The following ORC5 variants were observed in gnomAD, a reference collection of about 807,000 sequenced individuals.
ORC5 encodes protein phosphatase 1, regulatory subunit 117.
ORC5 carries 39 observed loss-of-function variants against 58.8 expected under a neutral mutation model. That is an observed-to-expected ratio of 0.66 (90% CI 0.51 to 0.87). The LOEUF (loss-of-function observed/expected upper bound fraction) is 0.87. Ranked by LOEUF, ORC5 falls within the 40% of genes least tolerant of loss-of-function variation. ORC5 has a pLI of 0.00. For missense variants in ORC5, 493 were observed against 506.3 expected (o/e 0.97, Z 0.25); for synonymous variants, 218 against 177.6 (o/e 1.23, Z -1.81).
At chr7:104,207,201 A>C (rs1385199883) in intron 1 of ORC5, among the ~76,000 whole-genome samples, 1 of 151,306 alleles carries the variant, frequency 6.6e-6, no homozygotes, top group African/African-American at 2.4e-5. Flanking sequence ...AAATAGGTTA[A>C]ATTTTGAATT....
At chr7:104,172,387 C>T (rs769084662) in intron 8 of ORC5, among the ~76,000 whole-genome samples, 4 of 152,200 alleles carry the variant, frequency 2.6e-5, no homozygotes, top group African/African-American at 7.2e-5. Flanking sequence ...ATTTTTGTTA[C>T]TGAAAAAGGA....
chr7:104,136,982 C>G lies in ORC5; in HGVS notation c.1150-89G>C. On this transcript the variant is annotated intron_variant, in intron 12 of 13. Transcript: ENST00000297431. This position sits in a 1 kb window ranked among gnomAD's most constrained non-coding sequence, Gnocchi z 4.2. Reference sequence around the variant, plus strand: ...AACATCTTATAGTCTGATAAAGATACATAACTGAATCACAAAAAACGTCTG... The same window carrying G: ...AACATCTTATAGTCTGATAAAGATAGATAACTGAATCACAAAAAACGTCTG... 3 of 855,362 alleles carry G rather than the reference C, an allele frequency of 3.5e-6. No homozygotes were observed. The highest frequency in any genetic ancestry group is 1.9e-6 in the Non-Finnish European group (1 of 534,682). The allele number at this position is 855,362 out of a possible 1,614,324, so 53.0% of individuals were successfully genotyped here. A position where few individuals can be genotyped will look rare whatever the true frequency, so the allele number is the denominator to read the frequency against.
chr7:104,153,274 T>C (rs1044453532), intron 12 of ORC5, among the ~76,000 whole-genome samples: 4 of 152,174 alleles, frequency 2.6e-5, no homozygotes, highest in African/African-American at 7.2e-5. Flanking sequence ...AGTGGTCTGA[T>C]GGCAGAACAG....
At chr7:104,159,519 CCA>C (rs1491190602) in intron 12 of ORC5, among the ~76,000 whole-genome samples, 6 of 133,116 alleles carry the variant, frequency 4.5e-5, no homozygotes, top group Admixed American at 1.4e-4. Flanking sequence ...GTAGAGAAAG[CCA>C]AAAAAAAAAA....
intron 12 of ORC5, among the ~76,000 whole-genome samples, chr7:104,140,718 C>G (rs1798658511): frequency 6.6e-6 from 1 of 152,152 alleles, no homozygotes; most frequent in South Asian, 2.1e-4. Flanking sequence ...AAGAATGTCT[C>G]CAGCTGATGA....
intron 8 of ORC5, among the ~76,000 whole-genome samples, chr7:104,174,747 C>T (rs918959515): frequency 2.6e-5 from 4 of 152,160 alleles, no homozygotes; most frequent in African/African-American, 9.7e-5. Flanking sequence ...TAAGCTCAGG[C>T]ATGTGCAGTA....
chr7:104,170,800 TC>T (rs1199029494), intron 8 of ORC5, among the ~76,000 whole-genome samples: 1 of 152,206 alleles, frequency 6.6e-6, no homozygotes, highest in Admixed American at 6.5e-5. Flanking sequence ...TAATTTTAGA[TC>T]TTAACTCCAA....
At chr7:104,164,060 T>C (rs931400813) in intron 11 of ORC5, among the ~76,000 whole-genome samples, 9 of 152,238 alleles carry the variant, frequency 5.9e-5, no homozygotes, top group African/African-American at 2.2e-4. Flanking sequence ...CCTTATTGTA[T>C]CATTTATCCA....
Position 104,126,909 on chromosome 7 carries a change from GATA to G in ORC5, c.1263-19_1263-17del, listed in dbSNP as rs775716038. ...GTTCACCGTCCTAAAAACAAAAACA[GATA>G]ATATGTTAGCATTCTCACCCCTAGA... On this transcript the variant is annotated splice_polypyrimidine_tract_variant and intron_variant, in intron 13 of 13. Coordinates refer to ENST00000297431, the MANE Select transcript of ORC5 (RefSeq NM_002553.4). 1.2e-5 allele frequency: 19 copies of G among 1,574,398 alleles called. No homozygotes were observed. Among genetic ancestry groups the G allele is most frequent in the Admixed American group, 3.4e-5 (2 of 59,314 alleles).
chr7:104,132,952 T>C lies in ORC5; in HGVS notation c.1262+3829A>G, dbSNP rs527380111. Among the ~76,000 whole-genome samples the C allele has an allele frequency of 5.3e-5, 8 of 152,034 alleles. No individual in the cohort carries two copies. In the South Asian group the frequency reaches 1.7e-3, roughly 32 times the overall value. ...TAGCTAGGTGAAGGAGAAAAGAAGC[T>C]GGAAAATGCTGTATATACAAGCATG... On this transcript the variant is annotated intron_variant, in intron 13 of 13. Transcript: ENST00000297431.
intron 12 of ORC5, among the ~76,000 whole-genome samples, chr7:104,147,348 C>T (rs1259624483): frequency 6.6e-6 from 1 of 152,250 alleles, no homozygotes; most frequent in East Asian, 1.9e-4. Context: ...AAAAGTATTG[C>T]TATATAAATC....
chr7:104,200,954 G>C lies in ORC5; in HGVS notation c.170C>G (p.Pro57Arg), dbSNP rs774854490. The C allele has an allele frequency of 2.5e-5, 41 of 1,611,880 alleles. No homozygotes were observed. Among genetic ancestry groups the C allele is most frequent in the South Asian group, 7.7e-5 (7 of 90,810 alleles). Residue 57 changes from proline to arginine, a missense_variant, in exon 3 of 14, where the codon CCA (proline) becomes CGA (arginine). Physicochemically the swap from Pro to Arg is moderately radical, Grantham distance 103 (BLOSUM62 -2). This residue lies in a region of ORC5 where 412 missense variants were observed against 403.7 expected (regional missense o/e 1.02). Transcript: ENST00000297431. ...TQTLLKTLEL[P>R]HVFVNCVECF... ...TTCAACACAATTCACAAACACATGT[G>C]GGAGCTGAAAACGAAAACCAAAACA... is the stretch of plus-strand genomic sequence containing the variant.
At chr7:104,180,574 A>G (rs1799412761) in intron 8 of ORC5, among the ~76,000 whole-genome samples, 1 of 140,586 alleles carries the variant, frequency 7.1e-6, no homozygotes, top group South Asian at 2.5e-4. Flanking sequence ...CAAAATTCTA[A>G]ATTAAATATT....
chr7:104,136,869 G>C lies in ORC5; in HGVS notation c.1174C>G (p.Leu392Val). The part of the protein sequence containing the change: ...SQITSLVTLQ[L>V]LTLVGHDDQL... ...TCGTCATGGCCAACCAGGGTTAACA[G>C]CTGAAGGGTCACTAGAGAGGTAATC... Residue 392 changes from leucine (L) to valine (V), a missense_variant, in exon 13 of 14, where the codon CTG (leucine) becomes GTG (valine). This residue lies in a region of ORC5 where 77 missense variants were observed against 86.1 expected (regional missense o/e 0.89). Transcript: ENST00000297431. The surrounding 1 kb of genome is among the most constrained non-coding windows in gnomAD (Gnocchi z 4.2). 1.2e-6 allele frequency: 2 copies of C among 1,613,364 alleles called. No homozygotes were observed. The highest frequency in any genetic ancestry group is 1.7e-6 in the Non-Finnish European group (2 of 1,179,320).
intron 8 of ORC5, among the ~76,000 whole-genome samples, chr7:104,170,238 G>T (rs1799186557): frequency 6.6e-6 from 1 of 152,084 alleles, no homozygotes; most frequent in African/African-American, 2.4e-5. Context: ...AAGTCTAAAT[G>T]CTTTCCAAGA....
intron 11 of ORC5, among the ~76,000 whole-genome samples, chr7:104,163,123 CAT>C (rs1451171096): frequency 6.6e-6 from 1 of 152,112 alleles, no homozygotes; most frequent in African/African-American, 2.4e-5. Flanking sequence ...TCCTTGTGCA[CAT>C]GTGTGAGTTT....
intron 13 of ORC5, among the ~76,000 whole-genome samples, chr7:104,132,670 G>C (rs1168061959): frequency 6.6e-6 from 1 of 152,190 alleles, no homozygotes; most frequent in Non-Finnish European, 1.5e-5. Context: ...CACTGTGCTA[G>C]GTTTGAGGAT....
intron 3 of ORC5, among the ~76,000 whole-genome samples, chr7:104,199,560 T>G (rs997308814): frequency 1.3e-5 from 2 of 152,254 alleles, no homozygotes; most frequent in African/African-American, 4.8e-5. Context: ...ACAGCCCCTT[T>G]GTTTGGGCCA....
At chr7:104,183,617 C>CA (rs975486103) in intron 8 of ORC5, among the ~76,000 whole-genome samples, 2 of 152,156 alleles carry the variant, frequency 1.3e-5, no homozygotes. Context: ...CAATCTTCCA[C>CA]AAAAAATACC....
Sources: allele counts gnomAD v4.1 joint callset (sites outside exome capture counted in the v4.1 genomes callset), GRCh38; gene constraint gnomAD v4.1.1; regional missense constraint gnomAD v4.1.1; non-coding constraint Gnocchi (gnomAD v3.1); transcripts MANE v1.5; gene names NCBI Gene and HGNC (gene_info 2026-07-23, HGNC 2026-07-21).